Variants in INTS2 observed in about 807,000 individuals in gnomAD.
INTS2 encodes the protein KIAA1287.
A neutral mutation model predicts 139.6 loss-of-function variants in INTS2; 57 were observed. The ratio of observed to expected loss-of-function variants is 0.41; its 90% CI spans 0.33 to 0.51. The LOEUF (loss-of-function observed/expected upper bound fraction) is 0.51. Ranked by LOEUF, INTS2 falls within the 20% of genes least tolerant of loss-of-function variation. INTS2 has a pLI of 0.28. For synonymous variants in INTS2, 473 were observed against 493.4 expected (o/e 0.96, Z 0.55); for missense variants, 1,196 against 1,436.7 (o/e 0.83, Z 2.71).
intron 4 of INTS2, among the ~76,000 whole-genome samples, chr17:61,920,165 C>G (rs1012025398): frequency 6.8e-6 from 1 of 147,502 alleles, no homozygotes; most frequent in African/African-American, 2.5e-5. Flanking sequence ...GTTATTTTCA[C>G]GAAAATCTTA....
rs1023809194 is a variant in INTS2 at position 61,927,680 on chromosome 17, G to A, written c.-45C>T. ...TTAAGATCTACCCTCCAGCCTCACG[G>A]AACCGCACACGGACTCCGCGTCCTA... is the stretch of plus-strand genomic sequence containing the variant. On this transcript the variant is annotated 5_prime_UTR_variant, in exon 1 of 25. Transcript: ENST00000251334. 2 of 1,428,812 alleles carry A rather than the reference G, an allele frequency of 1.4e-6. No individual in the cohort carries two copies. Among genetic ancestry groups the A allele is most frequent in the African/African-American group, 2.9e-5 (2 of 69,408 alleles). The allele number at this position is 1,428,812 out of a possible 1,614,324, so 88.5% of individuals were successfully genotyped here. A position where few individuals can be genotyped will look rare whatever the true frequency, so the allele number is the denominator to read the frequency against.
At chr17:61,879,643 G>A (rs1299603753) in intron 17 of INTS2, among the ~76,000 whole-genome samples, 1 of 152,080 alleles carries the variant, frequency 6.6e-6, no homozygotes, top group Non-Finnish European at 1.5e-5. Flanking sequence ...TTGAGCCCAC[G>A]AGTTTGAGAC....
At chr17:61,919,201 G>A (rs533984179) in intron 5 of INTS2, among the ~76,000 whole-genome samples, 199 bp downstream of exon 5, 8 of 152,216 alleles carry the variant, frequency 5.3e-5, no homozygotes, top group African/African-American at 7.2e-5. Flanking sequence ...GGGATTACAG[G>A]TGTGAGCCAC....
intron 5 of INTS2, among the ~76,000 whole-genome samples, chr17:61,916,216 C>T (rs1216301539): frequency 1.3e-5 from 2 of 152,048 alleles, no homozygotes; most frequent in African/African-American, 2.4e-5. Flanking sequence ...GGGCAGACCA[C>T]GAGGTCAGGA....
intron 16 of INTS2, among the ~76,000 whole-genome samples, chr17:61,881,802 T>A (rs377531591): frequency 6.6e-6 from 1 of 152,128 alleles, no homozygotes; most frequent in East Asian, 1.9e-4. Flanking sequence ...TAAATGAAGA[T>A]CCTGAAGTAA....
chr17:61,919,563 C>T, intron 4 of INTS2, 50 bp from the exon 5 acceptor site: 2 of 895,182 alleles, frequency 2.2e-6, no homozygotes, highest in Non-Finnish European at 3.6e-6. Flanking sequence ...GTGCACTCCA[C>T]CACACCCAGC....
At chr17:61,923,274 G>A (rs1209002180) in intron 3 of INTS2, among the ~76,000 whole-genome samples, 12 of 150,992 alleles carry the variant, frequency 7.9e-5, no homozygotes, top group South Asian at 4.2e-4. Context: ...TCAGGAGATC[G>A]AGACCATCCT....
At position 61,871,674 on chromosome 17, in the gene INTS2, C is replaced by G. The variant is rs544414125; in HGVS notation, c.2778+591G>C. 3.3e-5 allele frequency among the ~76,000 whole-genome samples: 5 copies of G among 152,198 alleles called. No homozygotes were observed. The South Asian group carries it at 1.0e-3, about 32-fold the overall frequency. Reference sequence around the variant, plus strand: ...TGAGGCCGGGTGCCGTGGCTCATGCCTGTAATCCCAGCACTTTGGGAAGCT... The same window carrying G: ...TGAGGCCGGGTGCCGTGGCTCATGCGTGTAATCCCAGCACTTTGGGAAGCT... On this transcript the variant is annotated intron_variant, in intron 20 of 24. Transcript: ENST00000251334. This position sits in a 1 kb window ranked among gnomAD's most constrained non-coding sequence, Gnocchi z 4.9.
At chr17:61,891,478 ATAAGT>A (rs1388293321) in intron 14 of INTS2, 30 bp downstream of exon 14, 1 of 1,488,006 alleles carries the variant, frequency 6.7e-7, no homozygotes, top group Non-Finnish European at 9.2e-7. Context: ...TAAAAGAAAA[ATAAGT>A]TAATAGATAT....
rs577165211 is a variant in INTS2 at position 61,897,548 on chromosome 17, A to G, written c.1415T>C (p.Leu472Ser). The change falls in exon 11 of 25, where the codon TTA becomes TCA. Residue 472 changes from leucine to serine, a missense_variant. By Grantham distance (145) the Leu-to-Ser change is moderately radical. This residue lies in a region of INTS2 where 1,129 missense variants were observed against 1,341.9 expected (regional missense o/e 0.84). Transcript: ENST00000251334. The surrounding 1 kb of genome is among the most constrained non-coding windows in gnomAD (Gnocchi z 4.4). ...GTGAAAGTACATAGCCACCAATAATAACATCTCCCCAAAAGAAGCAGAGAC... is the reference window on the plus strand; with the variant it reads ...GTGAAAGTACATAGCCACCAATAATGACATCTCCCCAAAAGAAGCAGAGAC... The part of the protein sequence containing the change: ...SGVSASFGEM[L>S]LLVAMYFHSN... 8 of 1,604,046 alleles carry G rather than the reference A, an allele frequency of 5.0e-6. No homozygotes were observed. The highest frequency in any genetic ancestry group is 6.0e-6 in the Non-Finnish European group (7 of 1,175,086).
Position 61,907,587 on chromosome 17 carries a change from C to A in INTS2, c.1002G>T (p.Gln334His). The stretch of plus-strand genomic sequence containing the variant: ...GAATGCCCATCAACTCCAGAAGAAG[C>A]TGCCTTCTCATCTGCCAAAGGACAG... ...SSSVLWQMRR[Q>H]LLLELMGILP... is the part of the protein sequence containing the mutation. Residue 334 changes from glutamine (Q) to histidine (H), a missense_variant, in exon 8 of 25, where the codon CAG becomes CAT. Physicochemically the swap from Gln to His is conservative, Grantham distance 24 (BLOSUM62 0). Coordinates refer to ENST00000251334, the MANE Select transcript of INTS2 (RefSeq NM_001351695.2). The A allele has an allele frequency of 1.3e-6, 2 of 1,592,584 alleles. No individual in the cohort carries two copies. The highest frequency in any genetic ancestry group is 1.7e-6 in the Non-Finnish European group (2 of 1,168,784).
chr17:61,884,152 T>C (rs9909882), intron 16 of INTS2, among the ~76,000 whole-genome samples: 13,681 of 152,042 alleles, frequency 0.09, 2,084 homozygotes, highest in African/African-American at 0.31. Context: ...CCTGTACTGA[T>C]ATGTAAAGAT....
At position 61,927,952 on chromosome 17, in the gene INTS2, G is replaced by A. The variant is rs199999039; in HGVS notation, c.-317C>T. 17 of 1,613,800 alleles carry A rather than the reference G, an allele frequency of 1.1e-5. No individual in the cohort carries two copies. The Admixed American group carries it at 1.3e-4, about 13-fold the overall frequency. ...CCCAGCACCTTCATTCATCCCCAGC[G>A]TCTGACTCCCGTCGGCCACCGTACT... On this transcript the variant is annotated 5_prime_UTR_variant, in exon 1 of 25. It adds an upstream start codon to the 5' untranslated region. Coordinates refer to ENST00000251334, the MANE Select transcript of INTS2 (RefSeq NM_001351695.2).
chr17:61,920,844 GCA>G (rs1418004812), intron 4 of INTS2, among the ~76,000 whole-genome samples: 1 of 151,538 alleles, frequency 6.6e-6, no homozygotes. Context: ...GAGTGCAATG[GCA>G]CAATCATGGC....
In INTS2 at chr17:61,871,459, T is replaced by C. The variant is rs2079088102; in HGVS notation, c.2778+806A>G. ...TAAATATAAAGTTGAACTGCTTATA[T>C]TGTCATGGTATTTATCACTGCCTGA... On this transcript the variant is annotated intron_variant, in intron 20 of 24. Transcript: ENST00000251334. The surrounding 1 kb of genome is among the most constrained non-coding windows in gnomAD (Gnocchi z 4.9). Among the ~76,000 whole-genome samples, 1 of 152,310 alleles carries C rather than the reference T, an allele frequency of 6.6e-6. No individual in the cohort carries two copies.
chr17:61,890,029 C>G (rs1050003784), intron 14 of INTS2, 135 bp from the exon 15 acceptor site: 5 of 608,212 alleles, frequency 8.2e-6, no homozygotes, highest in Middle Eastern at 3.9e-4. Context: ...AGAAATGTTG[C>G]TGTGTGTGTA....
intron 15 of INTS2, among the ~76,000 whole-genome samples, chr17:61,889,244 A>C (rs898655722): frequency 2.6e-5 from 4 of 151,646 alleles, no homozygotes; most frequent in African/African-American, 9.7e-5. Flanking sequence ...GAGCCACCAC[A>C]CCTGGCTAAT....
At chr17:61,895,466 T>A in intron 11 of INTS2, 83 bp from the exon 12 acceptor site, 2 of 747,316 alleles carry the variant, frequency 2.7e-6, no homozygotes, top group Middle Eastern at 3.0e-4. Flanking sequence ...AAAATGGCTA[T>A]GATACACATA....
Position 61,872,008 on chromosome 17 carries a change from TA to T in INTS2, c.2778+256del, listed in dbSNP as rs1375980066. ...TCTAAACTCAGAATAGGTAAACACT[TA>T]AATTTTATTAAAATATAAATCTTAT... On this transcript the variant is annotated intron_variant, in intron 20 of 24. Coordinates refer to ENST00000251334, the MANE Select transcript of INTS2 (RefSeq NM_001351695.2). This position sits in a 1 kb window ranked among gnomAD's most constrained non-coding sequence, Gnocchi z 4.8. The T allele has an allele frequency of 6.4e-6, 2 of 312,698 alleles. No homozygotes were observed. The highest frequency in any genetic ancestry group is 1.2e-5 in the Non-Finnish European group (2 of 173,758). The allele number at this position is 312,698 out of a possible 1,614,324, so 19.4% of individuals were successfully genotyped here.
Sources: gnomAD v4.1 joint callset for allele counts (sites outside exome capture counted in the v4.1 genomes callset) on GRCh38, gnomAD v4.1.1 for gene constraint, gnomAD v4.1.1 regional missense constraint, Gnocchi (gnomAD v3.1) non-coding constraint, MANE v1.5 for transcripts, NCBI Gene and HGNC (gene_info 2026-07-23, HGNC 2026-07-21) for gene names.